The following SMYD3 variants were observed in gnomAD, a reference collection of about 807,000 sequenced individuals.
The protein encoded by SMYD3 is histone-lysine N-methyltransferase SMYD3.
In SMYD3, 36 loss-of-function variants were observed where a neutral mutation model predicts 57.7. The observed-to-expected ratio is 0.62, with a 90% CI of 0.48 to 0.82. The LOEUF (loss-of-function observed/expected upper bound fraction) is 0.82, where lower values mean the gene tolerates loss of function less well. SMYD3 is among the 40% of genes least tolerant of loss of function. The probability of loss-of-function intolerance (pLI) is 0.00; values close to 1 mark genes in which losing one functional copy is unlikely to be tolerated. For missense variants in SMYD3, 515 were observed against 538.8 expected (o/e 0.96, Z 0.44); for synonymous variants, 211 against 195.0 (o/e 1.08, Z -0.68).
intron 5 of SMYD3, among the ~76,000 whole-genome samples, chr1:246,224,582 A>G (rs1287624928): frequency 1.3e-5 from 2 of 151,866 alleles, no homozygotes; most frequent in Non-Finnish European, 2.9e-5. Context: ...TCATATTTTA[A>G]AAGGTCATTG....
chr1:246,119,685 T>C (rs2061395872), intron 5 of SMYD3, among the ~76,000 whole-genome samples: 1 of 152,146 alleles, frequency 6.6e-6, no homozygotes. Context: ...AGTGCTGCCA[T>C]TACAGGCATA....
chr1:246,283,872 C>T (rs1558376014), intron 5 of SMYD3, among the ~76,000 whole-genome samples: 2 of 152,320 alleles, frequency 1.3e-5, no homozygotes, highest in Non-Finnish European at 2.9e-5. Flanking sequence ...GTGAGTTACA[C>T]ACAACCTTCA....
intron 11 of SMYD3, among the ~76,000 whole-genome samples, chr1:245,751,320 G>A (rs956145154): frequency 1.3e-5 from 2 of 152,294 alleles, no homozygotes; most frequent in East Asian, 1.9e-4. Context: ...GTCATGTGGT[G>A]AGACGCCTGC....
At chr1:245,873,402 C>T (rs184938895) in intron 8 of SMYD3, among the ~76,000 whole-genome samples, 35 of 152,270 alleles carry the variant, frequency 2.3e-4, no homozygotes, top group Admixed American at 1.5e-3. Flanking sequence ...CCAAGTCCTG[C>T]CAATACTGTT....
intron 5 of SMYD3, among the ~76,000 whole-genome samples, chr1:246,178,455 A>T (rs1157884664): frequency 6.6e-6 from 1 of 152,226 alleles, no homozygotes; most frequent in Non-Finnish European, 1.5e-5. Context: ...GTATAAGCCA[A>T]AAACACCACT....
intron 1 of SMYD3, among the ~76,000 whole-genome samples, chr1:246,399,585 C>A (rs1411812859): frequency 6.6e-6 from 1 of 152,118 alleles, no homozygotes; most frequent in Non-Finnish European, 1.5e-5. Flanking sequence ...CTCAACTGAT[C>A]TGCCCGGGTC....
intron 5 of SMYD3, among the ~76,000 whole-genome samples, chr1:246,223,919 T>C (rs748363522): frequency 5.3e-5 from 8 of 152,178 alleles, no homozygotes; most frequent in Admixed American, 3.9e-4. Flanking sequence ...ATTTGGCTTA[T>C]TTTCAAAATC....
intron 5 of SMYD3, among the ~76,000 whole-genome samples, chr1:246,165,795 T>A (rs967711341): frequency 2.0e-5 from 3 of 152,152 alleles, no homozygotes; most frequent in African/African-American, 7.2e-5. Flanking sequence ...ATATATGAAA[T>A]TTTTACAATG....
intron 11 of SMYD3, 78 bp from the exon 12 acceptor site, chr1:245,749,742 G>A: frequency 9.0e-7 from 1 of 1,117,300 alleles, no homozygotes; most frequent in Non-Finnish European, 1.4e-6. Flanking sequence ...ACCCCATGAT[G>A]CCAGGGGCCT....
Position 245,949,987 on chromosome 1 carries a change from C to T in SMYD3, c.532-20050G>A, listed in dbSNP as rs112343836. On this transcript the variant is annotated intron_variant, in intron 5 of 11. Transcript: ENST00000490107. ...AAGTCACTGTCTGTGGAAGAGAAAG[C>T]GAAAAATAAATAAAACAATTTAAAA... is the stretch of plus-strand genomic sequence containing the variant. Among the ~76,000 whole-genome samples the T allele has an allele frequency of 5.7e-3, 868 of 151,640 alleles. 7 individuals carry two copies. Among genetic ancestry groups the T allele is most frequent in the African/African-American group, 0.02 (835 of 41,272 alleles).
At chr1:246,073,094 A>C (rs2060486006) in intron 5 of SMYD3, among the ~76,000 whole-genome samples, 2 of 152,180 alleles carry the variant, frequency 1.3e-5, no homozygotes, top group South Asian at 4.1e-4. Flanking sequence ...GGATGCATAC[A>C]ATTTCCAACC....
At chr1:246,270,592 G>A (rs2064201916) in intron 5 of SMYD3, among the ~76,000 whole-genome samples, 1 of 152,132 alleles carries the variant, frequency 6.6e-6, no homozygotes, top group Non-Finnish European at 1.5e-5. Flanking sequence ...AATGTGGCTG[G>A]CTTATTTCAC....
At chr1:246,208,116 C>A (rs1279028005) in intron 5 of SMYD3, among the ~76,000 whole-genome samples, 2 of 152,054 alleles carry the variant, frequency 1.3e-5, no homozygotes, top group East Asian at 3.8e-4. Context: ...TGATGTAAGA[C>A]AATTTTAGAA....
chr1:246,059,091 T>G (rs2060206197), intron 5 of SMYD3, among the ~76,000 whole-genome samples: 1 of 152,280 alleles, frequency 6.6e-6, no homozygotes, highest in East Asian at 1.9e-4. Context: ...TTAGCCAGGA[T>G]GGTCTCAATC....
chr1:246,072,010 G>GT (rs751625711), intron 5 of SMYD3, among the ~76,000 whole-genome samples: 1,670 of 20,086 alleles, frequency 0.083, 306 homozygotes, highest in South Asian at 0.2. Context: ...GATGCATCGT[G>GT]TAGTTCTGGG....
chr1:246,425,753 A>T (rs1230252022), intron 1 of SMYD3, among the ~76,000 whole-genome samples: 2 of 152,076 alleles, frequency 1.3e-5, no homozygotes, highest in African/African-American at 4.8e-5. Flanking sequence ...GCTTCCTGGG[A>T]TCATCTCCCT....
At chr1:246,258,279 C>T (rs2063935347) in intron 5 of SMYD3, among the ~76,000 whole-genome samples, 1 of 152,112 alleles carries the variant, frequency 6.6e-6, no homozygotes, top group African/African-American at 2.4e-5. Context: ...TCGTGATCCG[C>T]CCACCTCGGC....
chr1:245,779,099 G>T (rs2046727602), intron 10 of SMYD3, among the ~76,000 whole-genome samples: 1 of 151,406 alleles, frequency 6.6e-6, no homozygotes, highest in Non-Finnish European at 1.5e-5. Flanking sequence ...GGAGGAGGGT[G>T]CAATGAGCCA....
At chr1:246,244,251 T>C (rs2063666878) in intron 5 of SMYD3, among the ~76,000 whole-genome samples, 1 of 152,104 alleles carries the variant, frequency 6.6e-6, no homozygotes, top group South Asian at 2.1e-4. Flanking sequence ...AAATGTAAAT[T>C]CATTGTACTT....
Sources: gnomAD v4.1 joint callset for allele counts (sites outside exome capture counted in the v4.1 genomes callset) on GRCh38, gnomAD v4.1.1 for gene constraint, MANE v1.5 for transcripts, NCBI Gene and HGNC (gene_info 2026-07-23, HGNC 2026-07-21) for gene names.